ARAP2: variants seen among roughly 807,000 people sequenced by gnomAD.
The protein encoded by ARAP2 is arf-GAP with Rho-GAP domain, ANK repeat and PH domain-containing protein 2.
ARAP2 carries 148 observed loss-of-function variants against 194.5 expected under a neutral mutation model. The observed-to-expected ratio is 0.76, with a 90% CI of 0.67 to 0.87. ARAP2 has a LOEUF of 0.87. Among genes scored for constraint, ARAP2 ranks in the 40% least tolerant of loss-of-function variants. ARAP2 has a pLI of 0.00. For synonymous variants in ARAP2, 695 were observed against 683.5 expected (o/e 1.02, Z -0.26); for missense variants, 2,128 against 1,989.7 (o/e 1.07, Z -1.32).
intron 20 of ARAP2, among the ~76,000 whole-genome samples, chr4:36,129,540 AC>A (rs1221565975): frequency 1.3e-5 from 2 of 151,882 alleles, no homozygotes; most frequent in Admixed American, 6.6e-5. Flanking sequence ...GTAGCATTTG[AC>A]ATTCTGAACG....
At position 36,161,529 on chromosome 4, in the gene ARAP2, G is replaced by T; in HGVS notation, c.2195C>A (p.Pro732Gln). ...KCAGQHRSLG[P>Q]KDSKVRSLKM... ...TAGACTTCTAACCTTGGAATCTTTTGGTCCTAAAGATCTATGCTGTCCTAG... is the reference window on the plus strand; with the variant it reads ...TAGACTTCTAACCTTGGAATCTTTTTGTCCTAAAGATCTATGCTGTCCTAG... Residue 732 changes from proline to glutamine, a missense_variant, in exon 12 of 33, where the codon CCA (proline) becomes CAA (glutamine). Pro to Gln is a moderately conservative substitution (Grantham distance 76). Transcript: ENST00000303965. The T allele has an allele frequency of 6.2e-7, 1 of 1,613,664 alleles. No homozygotes were observed.
rs1418750327 is a variant in ARAP2 at position 36,153,239 on chromosome 4, T to C, written c.2753-2195A>G. ...ACAAGGCAGGTGCACGTATTGTCTTTGAGGGTTTATAATAACAAAGCTGTG... is the reference window on the plus strand; with the variant it reads ...ACAAGGCAGGTGCACGTATTGTCTTCGAGGGTTTATAATAACAAAGCTGTG... On this transcript the variant is annotated intron_variant, in intron 15 of 32. Coordinates refer to ENST00000303965, the MANE Select transcript of ARAP2 (RefSeq NM_015230.4). Among the ~76,000 whole-genome samples the C allele has an allele frequency of 2.6e-5, 4 of 152,168 alleles. No homozygotes were observed. In the East Asian group the frequency reaches 7.7e-4, roughly 29 times the overall value.
rs1724323589 is a variant in ARAP2, at chr4:36,060,978, A to G, written n.148-2835T>C. 2.0e-5 allele frequency among the ~76,000 whole-genome samples: 3 copies of G among 152,324 alleles called. No homozygotes were observed. In the South Asian group the frequency reaches 6.2e-4, roughly 32 times the overall value. On this transcript the variant is annotated intron_variant and non_coding_transcript_variant, in intron 1 of 12. Transcript: ENST00000503225. ...TATGATTTTTGGGAGAAGACAGTTC[A>G]GCCCATAACTTGTGGTAATCTGCTT...
chr4:36,032,117 GTATT>G (rs763392957), intron 5 of ARAP2, among the ~76,000 whole-genome samples: 5 of 152,188 alleles, frequency 3.3e-5, no homozygotes, highest in Non-Finnish European at 7.3e-5. Context: ...CAAAATGTGA[GTATT>G]TATATTATCA....
intron 5 of ARAP2, among the ~76,000 whole-genome samples, chr4:36,032,712 G>A (rs1328061183): frequency 6.6e-6 from 1 of 151,794 alleles, no homozygotes; most frequent in Non-Finnish European, 1.5e-5. Context: ...TATATGTGCA[G>A]GTTTGTTATA....
intron 19 of ARAP2, among the ~76,000 whole-genome samples, chr4:36,142,668 C>T (rs1463389928): frequency 3.3e-5 from 5 of 151,518 alleles, no homozygotes; most frequent in African/African-American, 1.2e-4. Flanking sequence ...CTTTGTAACA[C>T]TTTGTACTCT....
intron 2 of ARAP2, among the ~76,000 whole-genome samples, chr4:36,057,024 A>C (rs76192230): frequency 0.011 from 1,677 of 146,032 alleles, 18 homozygotes; most frequent in African/African-American, 0.033. Flanking sequence ...ATTTCTCTCT[A>C]TCTAAAACAT....
intron 5 of ARAP2, among the ~76,000 whole-genome samples, chr4:36,038,576 A>G (rs1025888174): frequency 6.6e-6 from 1 of 152,244 alleles, no homozygotes; most frequent in East Asian, 1.9e-4. Context: ...CAACAGAGCT[A>G]TAAAAGTAGA....
intron 8 of ARAP2, among the ~76,000 whole-genome samples, chr4:36,178,881 GTAGA>G (rs1170695777): frequency 6.6e-6 from 1 of 151,930 alleles, no homozygotes; most frequent in African/African-American, 2.4e-5. Context: ...GGTATATGTG[GTAGA>G]TCTTGAGGAT....
chr4:36,180,720 C>A (rs4240249), intron 8 of ARAP2, among the ~76,000 whole-genome samples: 136,806 of 152,288 alleles, frequency 0.9, 61,575 homozygotes, highest in East Asian at 1. Context: ...TCAGGAATTA[C>A]TTTAAAACTG....
chr4:36,060,630 C>T (rs577004831), intron 1 of ARAP2, among the ~76,000 whole-genome samples: 3 of 152,224 alleles, frequency 2.0e-5, no homozygotes, highest in South Asian at 2.1e-4. Flanking sequence ...CATAACAAAA[C>T]GCCTGGGTGG....
chr4:36,151,180 G>T, intron 15 of ARAP2, 136 bp from the exon 16 acceptor site: 5 of 780,076 alleles, frequency 6.4e-6, no homozygotes, highest in Non-Finnish European at 9.7e-6. Context: ...TAAAGTATAT[G>T]TTATTGCTGC....
At chr4:36,150,830 A>G in intron 16 of ARAP2, 70 bp downstream of exon 16, 1 of 1,503,392 alleles carries the variant, frequency 6.7e-7, no homozygotes, top group East Asian at 2.3e-5. Context: ...AATGATAACA[A>G]AACTCTCATT....
At chr4:36,134,824 G>A (rs1726284842) in intron 19 of ARAP2, among the ~76,000 whole-genome samples, 2 of 151,082 alleles carry the variant, frequency 1.3e-5, no homozygotes, top group African/African-American at 4.9e-5. Flanking sequence ...CCTTCCCCCA[G>A]AATTATACTC....
chr4:36,042,128 G>A (rs867770496), intron 5 of ARAP2, among the ~76,000 whole-genome samples: 4 of 152,000 alleles, frequency 2.6e-5, no homozygotes, highest in Non-Finnish European at 5.9e-5. Flanking sequence ...CCCATGACAC[G>A]TTTACCTATG....
chr4:36,206,201 G>C (rs972953486), intron 6 of ARAP2, among the ~76,000 whole-genome samples: 2 of 152,210 alleles, frequency 1.3e-5, no homozygotes, highest in African/African-American at 4.8e-5. Context: ...CACTGACAAA[G>C]GCACAAACAG....
intron 31 of ARAP2, among the ~76,000 whole-genome samples, chr4:36,074,087 A>C (rs773375865): frequency 9.9e-5 from 15 of 152,138 alleles, no homozygotes; most frequent in Admixed American, 2.0e-4. Flanking sequence ...CCAAAAGGGG[A>C]AAAGTATTTG....
chr4:36,108,122 T>C (rs73225576), intron 26 of ARAP2, among the ~76,000 whole-genome samples: 45,708 of 151,610 alleles, frequency 0.3, 8,293 homozygotes, highest in East Asian at 0.47. Flanking sequence ...AGCCTCAAAC[T>C]TCTGAGCTCA....
intron 2 of ARAP2, among the ~76,000 whole-genome samples, chr4:36,054,272 G>A (rs557509043): frequency 6.6e-6 from 1 of 152,224 alleles, no homozygotes; most frequent in East Asian, 1.9e-4. Flanking sequence ...TCTGTGTCTG[G>A]ACCAGAGAGG....
Sources: allele counts gnomAD v4.1 joint callset (sites outside exome capture counted in the v4.1 genomes callset), GRCh38; gene constraint gnomAD v4.1.1; transcripts MANE v1.5; gene names NCBI Gene and HGNC (gene_info 2026-07-23, HGNC 2026-07-21).